The following SLC4A10 variants were observed in gnomAD, a reference collection of about 807,000 sequenced individuals.
SLC4A10 encodes the protein sodium-driven chloride bicarbonate exchanger.
SLC4A10 carries 42 observed loss-of-function variants against 137.7 expected under a neutral mutation model. That is an observed-to-expected ratio of 0.30 (90% CI 0.24 to 0.39). SLC4A10 has a LOEUF of 0.39. Among genes scored for constraint, SLC4A10 ranks in the 10% least tolerant of loss-of-function variants. The probability of loss-of-function intolerance (pLI) is 1.00; values close to 1 mark genes in which losing one functional copy is unlikely to be tolerated. For missense variants in SLC4A10, 925 were observed against 1,355.0 expected (o/e 0.68, Z 4.98); for synonymous variants, 474 against 464.1 (o/e 1.02, Z -0.27).
chr2:161,627,065 ATATCTC>A (rs1337516491), intron 1 of SLC4A10, among the ~76,000 whole-genome samples: 5 of 152,168 alleles, frequency 3.3e-5, no homozygotes, highest in Admixed American at 6.6e-5. Flanking sequence ...ATGTTATTAT[ATATCTC>A]TTGAGTTTTG....
At chr2:161,762,877 G>A (rs1267069994) in intron 1 of SLC4A10, among the ~76,000 whole-genome samples, 1 of 151,806 alleles carries the variant, frequency 6.6e-6, no homozygotes, top group Admixed American at 6.6e-5. Flanking sequence ...CTAGCTCTTA[G>A]GTCATGTTTA....
chr2:161,839,813 T>C lies in SLC4A10; in HGVS notation c.302T>C (p.Phe101Ser). ...SFDTPSQRVQFILGTEDDDEE... is the reference protein window; with the variant it reads ...SFDTPSQRVQSILGTEDDDEE... ...GACACCCCATCACAGAGGGTACAGTTTATTCTTGGAACCGAGGATGATGAC... is the reference window on the plus strand; with the variant it reads ...GACACCCCATCACAGAGGGTACAGTCTATTCTTGGAACCGAGGATGATGAC... Residue 101 changes from phenylalanine (F) to serine (S), a missense_variant, in exon 4 of 27, where the codon TTT (phenylalanine) becomes TCT (serine). Transcript: ENST00000446997. 1 of 1,613,816 alleles carries C rather than the reference T, an allele frequency of 6.2e-7. No individual in the cohort carries two copies. Among genetic ancestry groups the C allele is most frequent in the Non-Finnish European group, 8.5e-7 (1 of 1,179,826 alleles).
intron 3 of SLC4A10, among the ~76,000 whole-genome samples, chr2:161,839,447 A>G (rs1016886657): frequency 3.9e-5 from 6 of 152,212 alleles, no homozygotes; most frequent in African/African-American, 1.4e-4. Flanking sequence ...ATATATGATG[A>G]GAGAAAATGA....
chr2:161,736,900 T>C (rs976536309), intron 1 of SLC4A10, among the ~76,000 whole-genome samples: 4 of 152,132 alleles, frequency 2.6e-5, no homozygotes, highest in Non-Finnish European at 4.4e-5. Context: ...GTCACCCAGG[T>C]TGGAGTGCAG....
At chr2:161,957,381 T>TA in intron 20 of SLC4A10, 141 bp downstream of exon 20, 1 of 1,021,340 alleles carries the variant, frequency 9.8e-7, no homozygotes, top group Non-Finnish European at 1.4e-6. Context: ...CATGTTTATA[T>TA]AATTCTTCAT....
At chr2:161,735,586 G>T (rs928546375) in intron 1 of SLC4A10, among the ~76,000 whole-genome samples, 3 of 152,160 alleles carry the variant, frequency 2.0e-5, no homozygotes, top group Non-Finnish European at 1.5e-5. Flanking sequence ...ATCCAGGACA[G>T]CTATGAAGGG....
At chr2:161,733,420 C>T (rs1471281977) in intron 1 of SLC4A10, among the ~76,000 whole-genome samples, 1 of 152,218 alleles carries the variant, frequency 6.6e-6, no homozygotes, top group Non-Finnish European at 1.5e-5. Flanking sequence ...TGGTGTTCAG[C>T]CTGCAGGTGC....
At chr2:161,888,059 G>A (rs2062502303) in intron 10 of SLC4A10, among the ~76,000 whole-genome samples, 1 of 152,166 alleles carries the variant, frequency 6.6e-6, no homozygotes, top group Admixed American at 6.5e-5. Flanking sequence ...TATTAAATAG[G>A]AATCCTTCCC....
At chr2:161,674,690 C>T (rs1441941648) in intron 1 of SLC4A10, among the ~76,000 whole-genome samples, 2 of 152,102 alleles carry the variant, frequency 1.3e-5, no homozygotes, top group Non-Finnish European at 2.9e-5. Flanking sequence ...TTTATATATA[C>T]CCTGATTTGG....
At chr2:161,747,071 C>T (rs1423287577) in intron 1 of SLC4A10, among the ~76,000 whole-genome samples, 2 of 152,026 alleles carry the variant, frequency 1.3e-5, no homozygotes, top group Non-Finnish European at 1.5e-5. Context: ...GCTGGTGTCT[C>T]AGTGGGTTAC....
rs545035149 is a variant in SLC4A10, at chr2:161,830,600, T to G, written c.278-9189T>G. Among the ~76,000 whole-genome samples, 4 of 152,240 alleles carry G rather than the reference T, an allele frequency of 2.6e-5. No individual in the cohort carries two copies. The South Asian group carries it at 8.3e-4, about 32-fold the overall frequency. On this transcript the variant is annotated intron_variant, in intron 3 of 26. Transcript: ENST00000446997. ...GCTGACATGTTGATGAGATATATTT[T>G]ATTACCCTACTTTACCCAGAAAGCT... is the stretch of plus-strand genomic sequence containing the variant.
At chr2:161,713,918 A>ATG (rs1408119512) in intron 1 of SLC4A10, among the ~76,000 whole-genome samples, 2 of 151,834 alleles carry the variant, frequency 1.3e-5, no homozygotes, top group South Asian at 2.1e-4. Flanking sequence ...GACAGCTGGG[A>ATG]TGTGACTTTT....
At chr2:161,897,226 A>AT (rs2063595942) in intron 11 of SLC4A10, among the ~76,000 whole-genome samples, 1 of 152,054 alleles carries the variant, frequency 6.6e-6, no homozygotes, top group Non-Finnish European at 1.5e-5. Context: ...TTTTAGGGTC[A>AT]TTTTTTAAAT....
At chr2:161,880,240 C>T (rs1424441693) in intron 9 of SLC4A10, among the ~76,000 whole-genome samples, 1 of 152,144 alleles carries the variant, frequency 6.6e-6, no homozygotes, top group African/African-American at 2.4e-5. Context: ...AGTGCGCCTC[C>T]TCTTCCAAAC....
intron 15 of SLC4A10, among the ~76,000 whole-genome samples, chr2:161,929,101 T>C (rs1249032665): frequency 6.6e-6 from 1 of 152,188 alleles, no homozygotes; most frequent in African/African-American, 2.4e-5. Context: ...TGAGGTAAAC[T>C]AACTGACCAT....
chr2:161,794,007 A>G (rs1282614863), intron 2 of SLC4A10, among the ~76,000 whole-genome samples: 1 of 152,182 alleles, frequency 6.6e-6, no homozygotes, highest in East Asian at 1.9e-4. Flanking sequence ...GCATCAATGA[A>G]GTTAATAACA....
intron 6 of SLC4A10, among the ~76,000 whole-genome samples, chr2:161,865,299 G>T (rs2060673304): frequency 6.6e-6 from 1 of 151,902 alleles, no homozygotes. Flanking sequence ...TTATAACTGT[G>T]AATCACAAAT....
chr2:161,850,231 A>G (rs1223356026), intron 4 of SLC4A10, among the ~76,000 whole-genome samples: 1 of 151,976 alleles, frequency 6.6e-6, no homozygotes, highest in Non-Finnish European at 1.5e-5. Context: ...CTCTACTAAA[A>G]ATACAAAAAA....
intron 4 of SLC4A10, among the ~76,000 whole-genome samples, chr2:161,845,654 T>C (rs550400645): frequency 4.7e-4 from 72 of 152,168 alleles, no homozygotes; most frequent in African/African-American, 1.6e-3. Context: ...TGGAACGGAA[T>C]AGAGAACTAA....
Sources: gnomAD v4.1 joint callset for allele counts (sites outside exome capture counted in the v4.1 genomes callset) on GRCh38, gnomAD v4.1.1 for gene constraint, MANE v1.5 for transcripts, NCBI Gene and HGNC (gene_info 2026-07-23, HGNC 2026-07-21) for gene names.